SEC31A: variants seen among roughly 807,000 people sequenced by gnomAD.
SEC31A encodes the protein protein transport protein Sec31A.
Under a neutral mutation model 151.0 loss-of-function variants are expected in SEC31A, and 70 were observed. That is an observed-to-expected ratio of 0.46 (90% CI 0.38 to 0.57). SEC31A has a LOEUF of 0.57. Among genes scored for constraint, SEC31A ranks in the 20% least tolerant of loss-of-function variants. SEC31A has a pLI of 0.00. For synonymous variants in SEC31A, 475 were observed against 505.9 expected, an observed-to-expected ratio of 0.94 and a Z score of 0.82; for missense variants, 1,330 against 1,471.2, an observed-to-expected ratio of 0.90 and a Z score of 1.57.
At chr4:82,858,437 G>A (rs200084683) in intron 14 of SEC31A, among the ~76,000 whole-genome samples, 8 of 150,634 alleles carry the variant, frequency 5.3e-5, no homozygotes, top group East Asian at 2.0e-4. Context: ...CCACCTACTC[G>A]GGAGGCTGAG....
chr4:82,820,625 C>T (rs925612106), intron 26 of SEC31A, among the ~76,000 whole-genome samples: 60 of 152,222 alleles, frequency 3.9e-4, no homozygotes, highest in African/African-American at 1.4e-3. Context: ...TGTATAATGG[C>T]TATCCTAAAA....
At position 82,874,751 on chromosome 4, in the gene SEC31A, G is replaced by A; in HGVS notation, c.499C>T (p.Pro167Ser). ...TPMTPGAKTQ[P>S]PEDISCIAWN... ...GCAATGCAGCTGATATCTTCTGGCG[G>A]CTACAAGGAAGAAACAGTTAATAAA... The change falls in exon 6 of 27, where the codon CCG (proline) becomes TCG (serine). Residue 167 changes from proline (P) to serine (S), a missense_variant and splice_region_variant. Transcript: ENST00000395310. The A allele has an allele frequency of 6.2e-7, 1 of 1,600,358 alleles. No homozygotes were observed. The highest frequency in any genetic ancestry group is 8.5e-7 in the Non-Finnish European group (1 of 1,176,970).
At chr4:82,861,364 TGAGA>T (rs986179415) in intron 14 of SEC31A, among the ~76,000 whole-genome samples, 2 of 152,246 alleles carry the variant, frequency 1.3e-5, no homozygotes, top group African/African-American at 4.8e-5. Context: ...TTTGACATCC[TGAGA>T]GTCATCTGAC....
intron 3 of SEC31A, 187 bp downstream of exon 3, chr4:82,880,611 AG>A (rs1182612685): frequency 4.2e-6 from 2 of 471,602 alleles, no homozygotes; most frequent in Non-Finnish European, 3.6e-6. Context: ...GAAAAAAAAA[AG>A]TCAATAGAAC....
intron 11 of SEC31A, among the ~76,000 whole-genome samples, chr4:82,864,090 GCTGA>G (rs1366737837): frequency 6.6e-6 from 1 of 151,570 alleles, no homozygotes; most frequent in Non-Finnish European, 1.5e-5. Context: ...AAATAGGTGT[GCTGA>G]CTATGTCGCT....
Position 82,851,497 on chromosome 4 carries a change from G to C in SEC31A, c.2262C>G (p.Ala754=). 1 of 1,614,080 alleles carries C rather than the reference G, an allele frequency of 6.2e-7. No individual in the cohort carries two copies. Among genetic ancestry groups the C allele is most frequent in the East Asian group, 2.2e-5 (1 of 44,876 alleles). ...VLLAAKMSQY[A]NLLAAQGSIA... ...TACTGCCCTGAGCTGCCAACAAATTGGCATACTGACTCATCTTCGCAGCCA... is the reference window on the plus strand; with the variant it reads ...TACTGCCCTGAGCTGCCAACAAATTCGCATACTGACTCATCTTCGCAGCCA... Residue 754 remains alanine, a synonymous_variant, in exon 19 of 27, where the codon GCC becomes GCG. Coordinates refer to ENST00000395310, the MANE Select transcript of SEC31A (RefSeq NM_001077207.4).
At position 82,864,518 on chromosome 4, in the gene SEC31A, A is replaced by ATGGTGCTGC. The variant is rs1560636794; in HGVS notation, c.1269_1277dup (p.Gln423_His425dup). ...CTGTTACAACCTGACTAATGAACACATGGTGCTGCTGCTGCTGCTGCTCAG... is the reference window on the plus strand; with the variant it reads ...CTGTTACAACCTGACTAATGAACACATGGTGCTGCTGGTGCTGCTGCTGCTGCTGCTCAG... On this transcript the variant is annotated inframe_insertion, in exon 11 of 27. Transcript: ENST00000395310. 6.2e-7 allele frequency: 1 copy of ATGGTGCTGC among 1,614,148 alleles called. No individual in the cohort carries two copies. Among genetic ancestry groups the ATGGTGCTGC allele is most frequent in the Admixed American group, 1.7e-5 (1 of 60,010 alleles).
intron 16 of SEC31A, among the ~76,000 whole-genome samples, chr4:82,856,440 C>T (rs556739196): frequency 2.6e-5 from 4 of 151,736 alleles, no homozygotes; most frequent in South Asian, 2.1e-4. Context: ...TGAGCCACTG[C>T]GCCCAGCCGC....
At chr4:82,866,349 T>C (rs1334756982) in intron 10 of SEC31A, among the ~76,000 whole-genome samples, 1 of 152,084 alleles carries the variant, frequency 6.6e-6, no homozygotes, top group African/African-American at 2.4e-5. Context: ...CACGTGCTTG[T>C]AATCCCAGCT....
chr4:82,868,955 G>A (rs962910839), intron 8 of SEC31A, among the ~76,000 whole-genome samples: 1 of 151,802 alleles, frequency 6.6e-6, no homozygotes, highest in East Asian at 1.9e-4. Flanking sequence ...AGTGGCCCAC[G>A]TGACATTTAA....
At position 82,827,860 on chromosome 4, in the gene SEC31A, CTT is replaced by C. The variant is rs534695851; in HGVS notation, c.3028-230_3028-229del. Among the ~76,000 whole-genome samples, 42 of 151,122 alleles carry C rather than the reference CTT, an allele frequency of 2.8e-4. No individual in the cohort carries two copies. In the South Asian group the frequency reaches 8.3e-3, roughly 30 times the overall value. On this transcript the variant is annotated intron_variant, in intron 23 of 26. Transcript: ENST00000395310. ...GGATAGGGAGCTCAAACCTGGACTT[CTT>C]TGTCTCCCTTTACCCTCCCATACTT...
chr4:82,829,919 T>C (rs543009190), intron 22 of SEC31A, among the ~76,000 whole-genome samples: 1 of 152,346 alleles, frequency 6.6e-6, no homozygotes, highest in Admixed American at 6.5e-5. Flanking sequence ...TTCTTTCACA[T>C]TTCACTAAGT....
At chr4:82,898,089 T>A (rs1482110378) in intron 3 of SEC31A, 1 of 152,256 alleles carries the variant, frequency 6.6e-6, no homozygotes, top group Non-Finnish European at 1.5e-5. Context: ...TCTTTTAAAA[T>A]TTTTTGTGCA....
At chr4:82,822,399 A>G (rs1366103566) in intron 25 of SEC31A, among the ~76,000 whole-genome samples, 1 of 152,162 alleles carries the variant, frequency 6.6e-6, no homozygotes, top group Non-Finnish European at 1.5e-5. Context: ...GGAAACAAAC[A>G]ATGCAGATAT....
chr4:82,837,346 T>C (rs1036048841), intron 22 of SEC31A, among the ~76,000 whole-genome samples: 2 of 151,840 alleles, frequency 1.3e-5, no homozygotes, highest in Non-Finnish European at 2.9e-5. Flanking sequence ...TTATTTTTTA[T>C]ATGACTTTGA....
chr4:82,840,229 G>A (rs1469569533), intron 22 of SEC31A, among the ~76,000 whole-genome samples: 1 of 152,072 alleles, frequency 6.6e-6, no homozygotes, highest in Admixed American at 6.6e-5. Context: ...GCCAGAACAT[G>A]TCCAATATGA....
chr4:82,874,574 A>C (rs773353027), intron 6 of SEC31A, 37 bp downstream of exon 6: 12 of 1,555,552 alleles, frequency 7.7e-6, no homozygotes, highest in Non-Finnish European at 1.0e-5. Flanking sequence ...TACAGCAGAA[A>C]TACAACATGT....
intron 5 of SEC31A, among the ~76,000 whole-genome samples, chr4:82,875,127 C>T (rs1290713977): frequency 6.6e-6 from 1 of 152,150 alleles, no homozygotes; most frequent in East Asian, 1.9e-4. Context: ...ACAGCCTAGA[C>T]CATTAGCAAA....
intron 26 of SEC31A, 66 bp downstream of exon 26, chr4:82,820,971 A>G: frequency 7.3e-7 from 1 of 1,373,150 alleles, no homozygotes; most frequent in Non-Finnish European, 1.0e-6. Flanking sequence ...AGTGCTGATA[A>G]GACAACTGTT....
Sources: gnomAD v4.1 joint callset for allele counts (sites outside exome capture counted in the v4.1 genomes callset) on GRCh38, gnomAD v4.1.1 for gene constraint, MANE v1.5 for transcripts, NCBI Gene and HGNC (gene_info 2026-07-23, HGNC 2026-07-21) for gene names.